The following ETNPPL variants were observed in gnomAD, a reference collection of about 807,000 sequenced individuals.
The protein encoded by ETNPPL is alanine--glyoxylate aminotransferase 2-like 1.
Under a neutral mutation model 55.5 loss-of-function variants are expected in ETNPPL, and 30 were observed. That is an observed-to-expected ratio of 0.54 (90% confidence interval 0.40 to 0.73). ETNPPL has a LOEUF of 0.73. ETNPPL is among the 30% of genes least tolerant of loss of function. The pLI, the probability that ETNPPL is intolerant of heterozygous loss-of-function variation, is 0.00. For missense variants in ETNPPL, 528 were observed against 607.9 expected (o/e 0.87, Z 1.38); for synonymous variants, 202 against 207.2 (o/e 0.98, Z 0.21).
rs374300291 is a variant in ETNPPL at position 108,753,804 on chromosome 4, GA to G, written c.502-794del. Among the ~76,000 whole-genome samples, 525 of 119,746 alleles carry G rather than the reference GA, an allele frequency of 4.4e-3. 3 individuals carry two copies. The highest frequency in any genetic ancestry group is 6.8e-3 in the African/African-American group (197 of 28,818). 78.6% of individuals were successfully genotyped at this position (119,746 alleles called of 152,430 possible). ...AGAAAGAAAGAAAGAAAGAAAGAAAGAAAAGAGAAGAAAAGAAAAGAAAAAA... is the reference window on the plus strand; with the variant it reads ...AGAAAGAAAGAAAGAAAGAAAGAAAGAAAGAGAAGAAAAGAAAAGAAAAAA... On this transcript the variant is annotated intron_variant, in intron 5 of 12. Transcript: ENST00000296486.
chr4:108,749,518 A>C (rs1239256537), intron 7 of ETNPPL, 55 bp from the exon 8 acceptor site: 20 of 1,277,442 alleles, frequency 1.6e-5, no homozygotes, highest in East Asian at 2.4e-5. Context: ...CCCCAAACCC[A>C]CCCACAAAGA....
chr4:108,748,194 C>T, intron 8 of ETNPPL, 35 bp from the exon 9 acceptor site: 1 of 1,512,196 alleles, frequency 6.6e-7, no homozygotes, highest in Non-Finnish European at 8.9e-7. Context: ...AGAAAATATA[C>T]CAGTTGAATG....
chr4:108,743,998 C>T, intron 11 of ETNPPL, 142 bp from the exon 12 acceptor site: 1 of 625,872 alleles, frequency 1.6e-6, no homozygotes, highest in South Asian at 2.0e-5. Flanking sequence ...CGCTGTGGCT[C>T]ATGCCTGTCA....
At position 108,759,847 on chromosome 4, in the gene ETNPPL, T is replaced by C. The variant is rs1578396608; in HGVS notation, c.237A>G (p.Thr79=). 2 of 1,614,034 alleles carry C rather than the reference T, an allele frequency of 1.2e-6. No homozygotes were observed. The highest frequency in any genetic ancestry group is 1.3e-5 in the African/African-American group (1 of 74,920). Residue 79 remains threonine, a synonymous_variant, in exon 3 of 13, where the codon ACA becomes ACG. Transcript: ENST00000296486. The part of the protein sequence containing the change: ...AALKQMELLN[T]NSRFLHDNIV... ...TGTTGTCGTGGAGGAATCGAGAATTTGTATTTAGCAGTTCCATCTGTTTCA... is the reference window on the plus strand; with the variant it reads ...TGTTGTCGTGGAGGAATCGAGAATTCGTATTTAGCAGTTCCATCTGTTTCA...
At chr4:108,751,524 G>T (rs530680515) in intron 6 of ETNPPL, among the ~76,000 whole-genome samples, 2 of 152,130 alleles carry the variant, frequency 1.3e-5, no homozygotes, top group East Asian at 3.9e-4. Flanking sequence ...CCTAAACCAC[G>T]CTTAACTCAA....
chr4:108,749,083 T>C (rs1044175886), intron 8 of ETNPPL, among the ~76,000 whole-genome samples, 155 bp downstream of exon 8: 1 of 152,090 alleles, frequency 6.6e-6, no homozygotes, highest in Non-Finnish European at 1.5e-5. Flanking sequence ...TATGTAAGTA[T>C]TTAAGATGTT....
intron 1 of ETNPPL, 149 bp downstream of exon 1, chr4:108,762,694 T>G (rs971025988): frequency 3.8e-5 from 38 of 989,888 alleles, no homozygotes; most frequent in African/African-American, 9.6e-5. Context: ...CCCCTGCAGG[T>G]GGAGGCGCGC....
At chr4:108,746,877 C>T in intron 9 of ETNPPL, 26 bp from the exon 10 acceptor site, 1 of 1,523,194 alleles carries the variant, frequency 6.6e-7, no homozygotes, top group Non-Finnish European at 9.1e-7. Context: ...AAAAACTTGA[C>T]CCACAATCTG....
chr4:108,757,793 G>T (rs1406542922), intron 3 of ETNPPL, among the ~76,000 whole-genome samples: 1 of 151,564 alleles, frequency 6.6e-6, no homozygotes, highest in Non-Finnish European at 1.5e-5. Flanking sequence ...ACAAAAATTA[G>T]CCCAGGCATA....
chr4:108,755,970 G>A (rs1300728089), intron 4 of ETNPPL, among the ~76,000 whole-genome samples: 2 of 152,240 alleles, frequency 1.3e-5, no homozygotes, highest in Non-Finnish European at 2.9e-5. Flanking sequence ...ATCTTACGTG[G>A]CTGCCGGTTT....
intron 3 of ETNPPL, among the ~76,000 whole-genome samples, chr4:108,757,538 C>G (rs1729269829): frequency 6.6e-6 from 1 of 152,080 alleles, no homozygotes; most frequent in Non-Finnish European, 1.5e-5. Flanking sequence ...TTTGGTAGGC[C>G]AAGGCGGGAA....
At position 108,746,539 on chromosome 4, in the gene ETNPPL, G is replaced by A. The variant is rs754770463; in HGVS notation, c.1173-10C>T. The A allele has an allele frequency of 9.9e-6, 16 of 1,611,254 alleles. No homozygotes were observed. In the South Asian group the frequency reaches 1.8e-4, roughly 18 times the overall value. On this transcript the variant is annotated splice_polypyrimidine_tract_variant and intron_variant, in intron 10 of 12. Transcript: ENST00000296486. The stretch of plus-strand genomic sequence containing the variant: ...TCGTTTTTCTTTCATCCTAATTTGT[G>A]TAGGAAATACATGTGAGTGTATGCA...
chr4:108,750,811 G>A (rs1728874632), intron 7 of ETNPPL, 125 bp downstream of exon 7: 5 of 703,156 alleles, frequency 7.1e-6, no homozygotes, highest in African/African-American at 3.5e-5. Flanking sequence ...GGGTTGGCAG[G>A]CACTCAGGTG....
chr4:108,748,316 T>C (rs1728723319), intron 8 of ETNPPL, among the ~76,000 whole-genome samples, 157 bp from the exon 9 acceptor site: 2 of 152,338 alleles, frequency 1.3e-5, no homozygotes, highest in South Asian at 2.1e-4. Flanking sequence ...GAATAGAGCA[T>C]GATTCTATAT....
intron 9 of ETNPPL, among the ~76,000 whole-genome samples, 171 bp from the exon 10 acceptor site, chr4:108,747,022 G>A (rs570085707): frequency 6.7e-6 from 1 of 149,252 alleles, no homozygotes; most frequent in African/African-American, 2.5e-5. Context: ...ATTAGTTTTT[G>A]TCATCCAGTT....
Position 108,748,134 on chromosome 4 carries a change from G to A in ETNPPL, c.953C>T (p.Ala318Val). 1.9e-6 allele frequency: 3 copies of A among 1,594,730 alleles called. No individual in the cohort carries two copies. Among genetic ancestry groups the A allele is most frequent in the East Asian group, 2.3e-5 (1 of 44,018 alleles). Reference protein sequence around the residue: ...NTYGGNPVSCAVGLAVLDIIE... With the variant: ...NTYGGNPVSCVVGLAVLDIIE... ...TATATCCAGGACAGCCAAACCAACAGCACAAGATACTGGATTTCCTCCATA... is the reference window on the plus strand; with the variant it reads ...TATATCCAGGACAGCCAAACCAACAACACAAGATACTGGATTTCCTCCATA... The change falls in exon 9 of 13, where the codon GCT becomes GTT. Residue 318 changes from alanine (A) to valine (V), a missense_variant. By Grantham distance (64) the Ala-to-Val change is moderately conservative. Coordinates refer to ENST00000296486, the MANE Select transcript of ETNPPL (RefSeq NM_031279.4).
In ETNPPL at chr4:108,746,794, A is replaced by G. The variant is rs902545967; in HGVS notation, c.1140T>C (p.Pro380=). The G allele has an allele frequency of 6.2e-7, 1 of 1,614,002 alleles. No homozygotes were observed. Among genetic ancestry groups the G allele is most frequent in the African/African-American group, 1.3e-5 (1 of 75,012 alleles). The change falls in exon 10 of 13, where the codon CCT becomes CCC. Residue 380 remains proline, a synonymous_variant. Coordinates refer to ENST00000296486, the MANE Select transcript of ETNPPL (RefSeq NM_031279.4). ...DLVKDHLKRT[P]ATAEAQHIIY... is the part of the protein sequence containing the mutation. ...TGATGTGCTGAGCTTCAGCTGTGGC[A>G]GGGGTCCTTTTCAGATGGTCCTTCA...
chr4:108,762,440 T>C (rs1729552200), intron 1 of ETNPPL: 5 of 582,892 alleles, frequency 8.6e-6, no homozygotes, highest in Admixed American at 4.3e-5. Context: ...TGAAAAAATA[T>C]TTCTCAGTTC....
intron 3 of ETNPPL, 70 bp downstream of exon 3, chr4:108,759,679 G>A: frequency 6.7e-7 from 1 of 1,501,064 alleles, no homozygotes; most frequent in Non-Finnish European, 9.2e-7. Flanking sequence ...GAATCAAAAG[G>A]AAAGATTTGT....
Sources: gnomAD v4.1 joint callset for allele counts (sites outside exome capture counted in the v4.1 genomes callset) on GRCh38, gnomAD v4.1.1 for gene constraint, MANE v1.5 for transcripts, NCBI Gene and HGNC (gene_info 2026-07-23, HGNC 2026-07-21) for gene names.